MAP1LC3B: variants seen among roughly 807,000 people sequenced by gnomAD.
MAP1LC3B encodes microtubule associated protein 1 light chain 3 beta, also known as microtubule-associated protein 1 light chain 3 beta.
A neutral mutation model predicts 16.7 loss-of-function variants in MAP1LC3B; 12 were observed. The ratio of observed to expected loss-of-function variants is 0.72; its 90% CI spans 0.46 to 1.16. The LOEUF (loss-of-function observed/expected upper bound fraction) is 1.16. Among genes scored for constraint, MAP1LC3B ranks in the 50% most tolerant of loss-of-function variants. The pLI, the probability that MAP1LC3B is intolerant of heterozygous loss-of-function variation, is 0.00. For missense variants in MAP1LC3B, 155 were observed against 159.5 expected (o/e 0.97, Z 0.15); for synonymous variants, 63 against 56.5 (o/e 1.11, Z -0.51).
chr16:87,401,498 G>C (rs548806038), intron 2 of MAP1LC3B, among the ~76,000 whole-genome samples: 1 of 152,204 alleles, frequency 6.6e-6, no homozygotes, highest in Non-Finnish European at 1.5e-5. Flanking sequence ...CAGTTAGACT[G>C]TAGGAGGCAT....
intron 2 of MAP1LC3B, among the ~76,000 whole-genome samples, chr16:87,400,617 G>T (rs1041300057): frequency 6.6e-6 from 1 of 151,624 alleles, no homozygotes; most frequent in Non-Finnish European, 1.5e-5. Flanking sequence ...ATTTTTTCAT[G>T]TCAACTAGAC....
chr16:87,398,061 C>T (rs532281461), intron 1 of MAP1LC3B, among the ~76,000 whole-genome samples: 22 of 149,866 alleles, frequency 1.5e-4, no homozygotes, highest in African/African-American at 4.9e-4. Context: ...CTGGCTCTGT[C>T]GCCCATGCTG....
In MAP1LC3B at chr16:87,404,092, AGTT is replaced by A. The variant is rs1159288734; in HGVS notation, c.*996_*998del. 1 of 152,168 alleles carries A rather than the reference AGTT, an allele frequency of 6.6e-6. No homozygotes were observed. Among genetic ancestry groups the A allele is most frequent in the Non-Finnish European group, 1.5e-5 (1 of 68,036 alleles). 9.4% of individuals were successfully genotyped at this position (152,168 alleles called of 1,614,324 possible). On this transcript the variant is annotated 3_prime_UTR_variant, in exon 4 of 4. Transcript: ENST00000268607. ...AAAAGGTACCCACATTTTGAATAGT[AGTT>A]ATCACTCTTAGGTCAGACAGCCATC...
chr16:87,392,612 A>G (rs1907626686), intron 1 of MAP1LC3B, 145 bp downstream of exon 1: 1 of 745,756 alleles, frequency 1.3e-6, no homozygotes, highest in South Asian at 6.5e-5. Flanking sequence ...GGGCCGAGGG[A>G]TGCGGGGCCC....
intron 2 of MAP1LC3B, chr16:87,399,515 T>G (rs558355648): frequency 2.3e-6 from 1 of 432,868 alleles, no homozygotes; most frequent in African/African-American, 2.0e-5. Flanking sequence ...AATAGAACAA[T>G]GTACAAATAA....
At chr16:87,393,138 G>C (rs763363977) in intron 1 of MAP1LC3B, 1 of 152,272 alleles carries the variant, frequency 6.6e-6, no homozygotes, top group Non-Finnish European at 1.5e-5. Flanking sequence ...TTGCGATTAC[G>C]TTCTCACCTT....
chr16:87,400,179 ATT>A (rs113551235), intron 2 of MAP1LC3B: 81 of 124,640 alleles, frequency 6.5e-4, no homozygotes, highest in Admixed American at 7.4e-4. Context: ...TGTGTATAAA[ATT>A]TTTTTTTTTT....
rs771851561 is a variant in MAP1LC3B at position 87,392,416 on chromosome 16, G to A, written c.-12G>A. ...GCGTCGTCGCCGCCGCCGCCGCCCA[G>A]ATCCCTGCACCATGCCGTCGGAGAA... On this transcript the variant is annotated 5_prime_UTR_variant, in exon 1 of 4. Coordinates refer to ENST00000268607, the MANE Select transcript of MAP1LC3B (RefSeq NM_022818.5). 2 of 1,428,778 alleles carry A rather than the reference G, an allele frequency of 1.4e-6. No homozygotes were observed. Among genetic ancestry groups the A allele is most frequent in the African/African-American group, 1.5e-5 (1 of 66,408 alleles). 88.5% of individuals were successfully genotyped at this position (1,428,778 alleles called of 1,614,324 possible). A position where few individuals can be genotyped will look rare whatever the true frequency, so the allele number is the denominator to read the frequency against.
chr16:87,395,195 C>T (rs1001328299), intron 1 of MAP1LC3B, among the ~76,000 whole-genome samples: 2 of 152,284 alleles, frequency 1.3e-5, no homozygotes, highest in South Asian at 2.1e-4. Context: ...AGGCTCCTAC[C>T]GTTTGTTTTA....
chr16:87,397,373 C>T (rs1168732476), intron 1 of MAP1LC3B, among the ~76,000 whole-genome samples: 1 of 151,970 alleles, frequency 6.6e-6, no homozygotes, highest in Non-Finnish European at 1.5e-5. Context: ...AATCCCAGCA[C>T]TTTGGGAGGC....
rs1195222546 is a variant in MAP1LC3B, at chr16:87,392,396, G to C, written c.-32G>C. 4 of 1,416,406 alleles carry C rather than the reference G, an allele frequency of 2.8e-6. No homozygotes were observed. In the Admixed American group the frequency reaches 9.9e-5, roughly 35 times the overall value. The allele number at this position is 1,416,406 out of a possible 1,614,324, so 87.7% of individuals were successfully genotyped here. A position where few individuals can be genotyped will look rare whatever the true frequency, so the allele number is the denominator to read the frequency against. ...CGGGAGCCGCCGGGACCCTCGCGTC[G>C]TCGCCGCCGCCGCCGCCCAGATCCC... On this transcript the variant is annotated 5_prime_UTR_variant, in exon 1 of 4. Coordinates refer to ENST00000268607, the MANE Select transcript of MAP1LC3B (RefSeq NM_022818.5).
chr16:87,396,989 A>C (rs1907831627), intron 1 of MAP1LC3B: 1 of 151,966 alleles, frequency 6.6e-6, no homozygotes, highest in African/African-American at 2.4e-5. Context: ...CGCCGCGCCC[A>C]GCTCATTTTT....
chr16:87,397,378 G>A (rs546537129), intron 1 of MAP1LC3B, among the ~76,000 whole-genome samples: 19 of 152,130 alleles, frequency 1.2e-4, no homozygotes, highest in East Asian at 3.9e-4. Flanking sequence ...CAGCACTTTG[G>A]GAGGCTGAGG....
Position 87,403,592 on chromosome 16 carries a change from G to C in MAP1LC3B, c.*495G>C, listed in dbSNP as rs1416639860. The C allele has an allele frequency of 6.5e-6, 1 of 153,242 alleles. No individual in the cohort carries two copies. The highest frequency in any genetic ancestry group is 1.5e-5 in the Non-Finnish European group (1 of 68,698). 9.5% of individuals were successfully genotyped at this position (153,242 alleles called of 1,614,324 possible). On this transcript the variant is annotated 3_prime_UTR_variant, in exon 4 of 4. Transcript: ENST00000268607. ...TTGTGAAGCGCAACCCCCGCAAAACGCATTTGCCATCACAGTTGGCACAAA... is the reference window on the plus strand; with the variant it reads ...TTGTGAAGCGCAACCCCCGCAAAACCCATTTGCCATCACAGTTGGCACAAA...
rs750641436 is a variant in MAP1LC3B, at chr16:87,392,406, C to T, written c.-22C>T. The T allele has an allele frequency of 3.5e-6, 5 of 1,424,534 alleles. No homozygotes were observed. The highest frequency in any genetic ancestry group is 6.4e-5 in the Admixed American group (2 of 31,362). 88.2% of individuals were successfully genotyped at this position (1,424,534 alleles called of 1,614,324 possible). A position where few individuals can be genotyped will look rare whatever the true frequency, so the allele number is the denominator to read the frequency against. On this transcript the variant is annotated 5_prime_UTR_variant, in exon 1 of 4. Transcript: ENST00000268607. ...CGGGACCCTCGCGTCGTCGCCGCCG[C>T]CGCCGCCCAGATCCCTGCACCATGC...
intron 1 of MAP1LC3B, among the ~76,000 whole-genome samples, chr16:87,394,815 G>A (rs546006603): frequency 8.0e-4 from 122 of 152,212 alleles, no homozygotes; most frequent in South Asian, 2.1e-3. Context: ...GCTCACACCT[G>A]TAATCCCAGC....
chr16:87,392,799 G>T (rs980305), intron 1 of MAP1LC3B: 70,376 of 152,668 alleles, frequency 0.46, 18,263 homozygotes, highest in East Asian at 1. Context: ...CTCCGCGGCG[G>T]GGTGCCTGCC....
chr16:87,396,594 G>C (rs149139527), intron 1 of MAP1LC3B: 1 of 152,206 alleles, frequency 6.6e-6, no homozygotes, highest in African/African-American at 2.4e-5. Context: ...CTTATTCGCT[G>C]GAGTGAATTA....
At position 87,392,512 on chromosome 16, in the gene MAP1LC3B, C is replaced by G. The variant is rs1254836302; in HGVS notation, c.40+45C>G. 15 of 1,282,066 alleles carry G rather than the reference C, an allele frequency of 1.2e-5. 1 individual carries two copies. The highest frequency in any genetic ancestry group is 4.7e-5 in the South Asian group (2 of 42,480). The allele number at this position is 1,282,066 out of a possible 1,614,324, so 79.4% of individuals were successfully genotyped here. ...CGGCGGGTGCGGCGGGGCCGGGGTCCGAGCTGTGGAGGGCGGCAGGGCCTG... is the reference window on the plus strand; with the variant it reads ...CGGCGGGTGCGGCGGGGCCGGGGTCGGAGCTGTGGAGGGCGGCAGGGCCTG... On this transcript the variant is annotated intron_variant, in intron 1 of 3. Transcript: ENST00000268607.
Sources: gnomAD v4.1 joint callset for allele counts (sites outside exome capture counted in the v4.1 genomes callset) on GRCh38, gnomAD v4.1.1 for gene constraint, MANE v1.5 for transcripts, NCBI Gene and HGNC (gene_info 2026-07-23, HGNC 2026-07-21) for gene names.